Variants in ATXN1 observed in about 807,000 individuals in gnomAD.
ATXN1 encodes the protein ataxin-1.
Under a neutral mutation model 56.4 loss-of-function variants are expected in ATXN1, and 8 were observed. That is an observed-to-expected ratio of 0.14 (90% confidence interval 0.08 to 0.26). The LOEUF is 0.26. Among genes scored for constraint, ATXN1 ranks in the 10% least tolerant of loss-of-function variants. The pLI is 1.00. For missense variants in ATXN1, 987 were observed against 1,106.5 expected (o/e 0.89, Z 1.53); for synonymous variants, 514 against 494.6 (o/e 1.04, Z -0.52).
At chr6:16,414,502 G>C (rs921863492) in intron 6 of ATXN1, among the ~76,000 whole-genome samples, 1 of 152,136 alleles carries the variant, frequency 6.6e-6, no homozygotes, top group South Asian at 2.1e-4. Context: ...TGACGCCCAC[G>C]ACACAAATGA....
intron 3 of ATXN1, among the ~76,000 whole-genome samples, chr6:16,590,851 T>A (rs1274938445): frequency 1.3e-5 from 2 of 151,856 alleles, no homozygotes; most frequent in East Asian, 3.9e-4. Flanking sequence ...TTAATTTTTT[T>A]TTTTTTTTGA....
At chr6:16,466,317 CAAAAAAAAAAAAAAAAAAAAA>C (rs200261208) in intron 6 of ATXN1, among the ~76,000 whole-genome samples, 1 of 79,874 alleles carries the variant, frequency 1.3e-5, no homozygotes, top group Non-Finnish European at 2.4e-5. Flanking sequence ...GACCCCATCT[CAAAAAAAAAAAAAAAAAAAAA>C]AAAAAAAAAA....
intron 4 of ATXN1, among the ~76,000 whole-genome samples, chr6:16,574,428 C>T (rs371747001): frequency 2.6e-5 from 4 of 152,142 alleles, no homozygotes; most frequent in South Asian, 2.1e-4. Context: ...AGGGTGGTCT[C>T]GAACTCCCGA....
intron 3 of ATXN1, among the ~76,000 whole-genome samples, chr6:16,613,766 T>C (rs80344484): frequency 1.3e-5 from 2 of 152,104 alleles, no homozygotes; most frequent in African/African-American, 4.8e-5. Flanking sequence ...GGGTTCAAGG[T>C]TGCAGTGAGC....
At chr6:16,403,425 AC>A (rs1200166711) in intron 6 of ATXN1, among the ~76,000 whole-genome samples, 1 of 152,164 alleles carries the variant, frequency 6.6e-6, no homozygotes, top group Non-Finnish European at 1.5e-5. Flanking sequence ...ATCTCAGCTC[AC>A]TTCAGCCTTG....
At position 16,421,042 on chromosome 6, in the gene ATXN1, C is replaced by T. The variant is rs150829314; in HGVS notation, c.-161+64930G>A. 3.3e-3 allele frequency among the ~76,000 whole-genome samples: 503 copies of T among 152,320 alleles called. 3 individuals are homozygous for T. Among genetic ancestry groups the T allele is most frequent in the African/African-American group, 0.012 (478 of 41,558 alleles). ...ACTGCTCTGGCTGGGTACTGGCACT[C>T]GCCTTTGTGATTCAGGCATGAAACC... is the stretch of plus-strand genomic sequence containing the variant. On this transcript the variant is annotated intron_variant, in intron 6 of 7. Coordinates refer to ENST00000436367, the MANE Select transcript of ATXN1 (RefSeq NM_001128164.2).
At chr6:16,575,593 A>G (rs1762406802) in intron 4 of ATXN1, among the ~76,000 whole-genome samples, 1 of 152,246 alleles carries the variant, frequency 6.6e-6, no homozygotes. Flanking sequence ...GAACAGGCAC[A>G]CAGCGGGTAT....
At chr6:16,389,939 A>G (rs1419420961) in intron 6 of ATXN1, among the ~76,000 whole-genome samples, 2 of 152,196 alleles carry the variant, frequency 1.3e-5, no homozygotes, top group East Asian at 3.9e-4. Context: ...CCTCTCACTG[A>G]CTCACTGCAC....
At chr6:16,445,604 T>C (rs952989198) in intron 6 of ATXN1, among the ~76,000 whole-genome samples, 4 of 151,816 alleles carry the variant, frequency 2.6e-5, no homozygotes, top group Admixed American at 2.0e-4. Flanking sequence ...ACATGTGCCA[T>C]GCTGGTGTGC....
At chr6:16,364,224 C>T (rs1761870404) in intron 6 of ATXN1, among the ~76,000 whole-genome samples, 1 of 152,088 alleles carries the variant, frequency 6.6e-6, no homozygotes, top group African/African-American at 2.4e-5. Context: ...ACCTCATTTA[C>T]AGAAAATAAT....
At chr6:16,437,868 A>G (rs894845081) in intron 6 of ATXN1, among the ~76,000 whole-genome samples, 1 of 152,198 alleles carries the variant, frequency 6.6e-6, no homozygotes, top group African/African-American at 2.4e-5. Context: ...TGCACTGTCC[A>G]TGGACCTTGT....
In ATXN1 at chr6:16,484,822, T is replaced by A. The variant is rs373966779; in HGVS notation, c.-161+1150A>T. Among the ~76,000 whole-genome samples the A allele has an allele frequency of 5.4e-4, 82 of 152,274 alleles. 1 individual carries two copies. In the East Asian group the frequency reaches 0.012, roughly 23 times the overall value. On this transcript the variant is annotated intron_variant, in intron 6 of 7. Transcript: ENST00000436367. ...GAACATTTTTTTTCCTTGTCAATAC[T>A]TTTCTCCCTGATATATGCTACACTT...
chr6:16,459,219 G>C (rs1402312742), intron 6 of ATXN1, among the ~76,000 whole-genome samples: 3 of 152,178 alleles, frequency 2.0e-5, no homozygotes, highest in Non-Finnish European at 4.4e-5. Context: ...TTACCCATTT[G>C]TTGTCCCCTA....
intron 6 of ATXN1, among the ~76,000 whole-genome samples, chr6:16,415,507 G>A (rs1034259994): frequency 2.6e-5 from 4 of 152,226 alleles, no homozygotes; most frequent in Non-Finnish European, 5.9e-5. Flanking sequence ...TGGGATTACA[G>A]GCGTGAGCCA....
chr6:16,614,487 C>T (rs976537619), intron 3 of ATXN1, among the ~76,000 whole-genome samples: 4 of 151,698 alleles, frequency 2.6e-5, no homozygotes, highest in African/African-American at 4.8e-5. Flanking sequence ...ATTATCAAAG[C>T]GGCCAAAAAG....
At chr6:16,452,513 G>C (rs1759773920) in intron 6 of ATXN1, among the ~76,000 whole-genome samples, 1 of 152,202 alleles carries the variant, frequency 6.6e-6, no homozygotes, top group Non-Finnish European at 1.5e-5. Context: ...CAGTGGGACA[G>C]TCATTTCTGA....
At chr6:16,733,726 A>G (rs1760046415) in intron 2 of ATXN1, among the ~76,000 whole-genome samples, 1 of 152,238 alleles carries the variant, frequency 6.6e-6, no homozygotes, top group South Asian at 2.1e-4. Flanking sequence ...ATATGCCTGT[A>G]ATCCCAGCTA....
intron 3 of ATXN1, among the ~76,000 whole-genome samples, chr6:16,617,748 TAGAG>T (rs1050196718): frequency 1.0e-5 from 1 of 97,938 alleles, no homozygotes; most frequent in African/African-American, 4.5e-5. Context: ...GCCTGGGCAA[TAGAG>T]AGAAACTCTG....
intron 6 of ATXN1, among the ~76,000 whole-genome samples, chr6:16,338,189 T>A (rs1322634796): frequency 6.6e-6 from 1 of 152,178 alleles, no homozygotes; most frequent in Non-Finnish European, 1.5e-5. Context: ...ACCTATGTTA[T>A]CCATTTTTAA....
Sources: allele counts gnomAD v4.1 joint callset (sites outside exome capture counted in the v4.1 genomes callset), GRCh38; gene constraint gnomAD v4.1.1; transcripts MANE v1.5; gene names NCBI Gene and HGNC (gene_info 2026-07-23, HGNC 2026-07-21).